C1GALT1: variants seen among roughly 807,000 people sequenced by gnomAD.
The protein encoded by C1GALT1 is core 1 synthase, glycoprotein-N-acetylgalactosamine 3-beta-galactosyltransferase 1, also known as glycoprotein-N-acetylgalactosamine 3-beta-galactosyltransferase 1.
In C1GALT1, 11 loss-of-function variants were observed where a neutral mutation model predicts 31.0. The ratio of observed to expected loss-of-function variants is 0.36; its 90% CI spans 0.22 to 0.59. The LOEUF is 0.59. C1GALT1 is among the 20% of genes least tolerant of loss of function. The probability of loss-of-function intolerance (pLI) is 0.79; values close to 1 mark genes in which losing one functional copy is unlikely to be tolerated. For synonymous variants in C1GALT1, 175 were observed against 143.6 expected, an observed-to-expected ratio of 1.22 and a Z score of -1.56; for missense variants, 424 against 425.2, an observed-to-expected ratio of 1.00 and a Z score of 0.03.
chr7:7,178,325 C>A, upstream of C1GALT1: 4 of 227,982 alleles, frequency 1.8e-5, no homozygotes, highest in South Asian at 3.2e-4. Context: ...TCAGACTGGT[C>A]ATTTGTGAAG....
intron 1 of C1GALT1, among the ~76,000 whole-genome samples, chr7:7,216,494 C>T (rs1782247771): frequency 6.9e-6 from 1 of 144,478 alleles, no homozygotes; most frequent in East Asian, 2.0e-4. Flanking sequence ...TGGATCCCCC[C>T]TCCCCCAGCC....
intron 1 of C1GALT1, among the ~76,000 whole-genome samples, 162 bp downstream of exon 1, chr7:7,182,982 C>T (rs1456199190): frequency 2.0e-5 from 3 of 152,116 alleles, no homozygotes; most frequent in Non-Finnish European, 4.4e-5. Context: ...GTCGTCCGGG[C>T]TCCTGAGGAA....
chr7:7,205,290 C>G (rs1781692736), intron 1 of C1GALT1, among the ~76,000 whole-genome samples: 1 of 152,048 alleles, frequency 6.6e-6, no homozygotes, highest in Non-Finnish European at 1.5e-5. Flanking sequence ...TTTGACTTTT[C>G]TAAAGTTTAC....
chr7:7,163,909 T>G (rs1780365102), intron 2 of C1GALT1, among the ~76,000 whole-genome samples: 1 of 151,690 alleles, frequency 6.6e-6, no homozygotes, highest in Admixed American at 6.6e-5. Flanking sequence ...ATTTATAGAT[T>G]CAATGCCATC....
upstream of C1GALT1, among the ~76,000 whole-genome samples, chr7:7,180,077 G>A (rs573492604): frequency 7.2e-5 from 11 of 152,220 alleles, 1 homozygote; most frequent in South Asian, 1.9e-3. Context: ...AAGAAGAAAG[G>A]ATTTTGGTTT....
At position 7,166,058 on chromosome 7, in the gene C1GALT1, A is replaced by G. The variant is rs187049813; in HGVS notation, c.-18+8632A>G. ...TGGTCCCAGGCACTTGAGATAAGGG[A>G]CACCTGTACCAGGCGTGTTCACGTT... On this transcript the variant is annotated intron_variant, in intron 2 of 3. Coordinates refer to the C1GALT1 transcript ENST00000429911. Among the ~76,000 whole-genome samples, 231 of 152,290 alleles carry G rather than the reference A, an allele frequency of 1.5e-3. 2 individuals carry two copies. The highest frequency in any genetic ancestry group is 0.01 in the Middle Eastern group (3 of 294).
intron 3 of C1GALT1, among the ~76,000 whole-genome samples, chr7:7,242,093 A>G (rs554336044): frequency 7.9e-5 from 12 of 152,022 alleles, no homozygotes; most frequent in African/African-American, 2.9e-4. Context: ...CCAAATTGAG[A>G]TATGCTGTAA....
chr7:7,162,079 C>CT (rs777983973), intron 2 of C1GALT1, among the ~76,000 whole-genome samples: 7 of 144,952 alleles, frequency 4.8e-5, no homozygotes, highest in East Asian at 2.0e-4. Flanking sequence ...TTTTTTTTTT[C>CT]TTTTTTTTTA....
intron 1 of C1GALT1, among the ~76,000 whole-genome samples, chr7:7,206,676 CAAAA>C (rs33962259): frequency 1.7e-5 from 2 of 114,590 alleles, no homozygotes; most frequent in Non-Finnish European, 1.9e-5. Context: ...AACTCCGTCT[CAAAA>C]AAAAAAAAAA....
intron 1 of C1GALT1, among the ~76,000 whole-genome samples, chr7:7,231,778 A>G (rs1783086367): frequency 6.6e-6 from 1 of 151,710 alleles, no homozygotes; most frequent in East Asian, 1.9e-4. Context: ...AATTTTGTCC[A>G]TGTTGTATAC....
chr7:7,242,214 T>C (rs76258198), intron 3 of C1GALT1, among the ~76,000 whole-genome samples: 1 of 147,942 alleles, frequency 6.8e-6, no homozygotes, highest in African/African-American at 2.5e-5. Context: ...ATTTCACTTT[T>C]TTTTTTTTTT....
chr7:7,181,144 G>A (rs1241366775), upstream of C1GALT1, among the ~76,000 whole-genome samples: 1 of 139,390 alleles, frequency 7.2e-6, no homozygotes. Context: ...TTGGAACACT[G>A]ACCCCTGAAA....
chr7:7,221,350 T>C (rs1234957174), intron 1 of C1GALT1, among the ~76,000 whole-genome samples: 1 of 152,234 alleles, frequency 6.6e-6, no homozygotes, highest in East Asian at 1.9e-4. Context: ...TAAAAACTGA[T>C]ACCTTGTTCT....
At chr7:7,228,184 T>G (rs1398599487) in intron 1 of C1GALT1, among the ~76,000 whole-genome samples, 1 of 142,220 alleles carries the variant, frequency 7.0e-6, no homozygotes, top group Non-Finnish European at 1.5e-5. Flanking sequence ...CACAAAATAT[T>G]AATAATTGTT....
intron 1 of C1GALT1, among the ~76,000 whole-genome samples, chr7:7,216,301 C>T (rs1289828530): frequency 1.3e-5 from 2 of 152,168 alleles, no homozygotes; most frequent in Non-Finnish European, 2.9e-5. Flanking sequence ...GAATGTCTTA[C>T]CTTCCCAGTT....
At chr7:7,187,420 CT>C (rs11402803) in intron 1 of C1GALT1, among the ~76,000 whole-genome samples, 45 of 145,458 alleles carry the variant, frequency 3.1e-4, no homozygotes, top group East Asian at 4.0e-4. Flanking sequence ...CAGCTAATTT[CT>C]TTTTTTTTTT....
At chr7:7,163,603 G>A (rs1352914947) in intron 2 of C1GALT1, among the ~76,000 whole-genome samples, 1 of 152,020 alleles carries the variant, frequency 6.6e-6, no homozygotes, top group African/African-American at 2.4e-5. Context: ...AAGCTGATAA[G>A]CAACTTCAGC....
chr7:7,204,789 T>C (rs998138354), intron 1 of C1GALT1, among the ~76,000 whole-genome samples: 1 of 152,202 alleles, frequency 6.6e-6, no homozygotes, highest in African/African-American at 2.4e-5. Flanking sequence ...ACTCTTGTGA[T>C]TGATTCTTCG....
At chr7:7,219,342 C>G (rs1782401115) in intron 1 of C1GALT1, among the ~76,000 whole-genome samples, 1 of 152,092 alleles carries the variant, frequency 6.6e-6, no homozygotes, top group African/African-American at 2.4e-5. Flanking sequence ...AAACTGTAGA[C>G]TTTGAATGAT....
Sources: allele counts gnomAD v4.1 joint callset (sites outside exome capture counted in the v4.1 genomes callset), GRCh38; gene constraint gnomAD v4.1.1; transcripts MANE v1.5; gene names NCBI Gene and HGNC (gene_info 2026-07-23, HGNC 2026-07-21).